Variants in FUT8 observed in about 807,000 individuals in gnomAD.
FUT8 encodes fucosyltransferase 8, also known as alpha-(1,6)-fucosyltransferase.
A neutral mutation model predicts 71.3 loss-of-function variants in FUT8; 29 were observed. That is an observed-to-expected ratio of 0.41 (90% CI 0.30 to 0.55). FUT8 has a LOEUF of 0.55. FUT8 is among the 20% of genes least tolerant of loss of function. The probability of loss-of-function intolerance (pLI) is 0.34; values close to 1 mark genes in which losing one functional copy is unlikely to be tolerated. For synonymous variants in FUT8, 254 were observed against 239.3 expected, an observed-to-expected ratio of 1.06 and a Z score of -0.57; for missense variants, 544 against 702.1, an observed-to-expected ratio of 0.77 and a Z score of 2.55.
At chr14:65,582,283 G>GT (rs1231691706) in intron 3 of FUT8, among the ~76,000 whole-genome samples, 1 of 151,912 alleles carries the variant, frequency 6.6e-6, no homozygotes, top group Non-Finnish European at 1.5e-5. Flanking sequence ...TCCTGGAAGT[G>GT]TTATACTATT....
At chr14:65,383,265 C>CTTTTTTTT in the FUT8 span, among the ~76,000 whole-genome samples, 98 of 86,492 alleles carry the variant, frequency 1.1e-3, 1 homozygote, top group African/African-American at 2.3e-3. Flanking sequence ...TTTTTCTTTT[C>CTTTTTTTT]TTTTTTTTTT....
At chr14:65,692,500 G>A (rs1893706449) in intron 7 of FUT8, among the ~76,000 whole-genome samples, 1 of 74,982 alleles carries the variant, frequency 1.3e-5, no homozygotes, top group Non-Finnish European at 3.5e-5. Context: ...TGGCCGGGCG[G>A]GGGGCTGACC....
chr14:65,392,522 C>G, the FUT8 span, among the ~76,000 whole-genome samples: 1 of 151,798 alleles, frequency 6.6e-6, no homozygotes, highest in Non-Finnish European at 1.5e-5. Flanking sequence ...TCCTGAAATA[C>G]CAGTGCAGCA....
At chr14:65,606,040 T>C (rs1367197706) in intron 3 of FUT8, among the ~76,000 whole-genome samples, 1 of 151,384 alleles carries the variant, frequency 6.6e-6, no homozygotes, top group East Asian at 1.9e-4. Flanking sequence ...CACCTGTGAC[T>C]TGTCTATTAA....
At chr14:65,525,233 A>T (rs973574630) in intron 2 of FUT8, among the ~76,000 whole-genome samples, 1 of 152,128 alleles carries the variant, frequency 6.6e-6, no homozygotes, top group African/African-American at 2.4e-5. Context: ...CATTGCCTCA[A>T]TTTCAGAGCC....
intron 2 of FUT8, among the ~76,000 whole-genome samples, chr14:65,500,649 A>G (rs1594705040): frequency 6.6e-6 from 1 of 152,036 alleles, no homozygotes; most frequent in East Asian, 1.9e-4. Flanking sequence ...TATGGATCCT[A>G]TTTCCTATCC....
intron 6 of FUT8, among the ~76,000 whole-genome samples, chr14:65,633,940 G>GT (rs1218313567): frequency 2.0e-5 from 3 of 151,542 alleles, no homozygotes; most frequent in Non-Finnish European, 4.4e-5. Context: ...CGGGAGGGAG[G>GT]TGGGGGGTCA....
intron 2 of FUT8, among the ~76,000 whole-genome samples, chr14:65,494,700 C>A (rs1008379043): frequency 6.6e-6 from 1 of 151,866 alleles, no homozygotes; most frequent in African/African-American, 2.4e-5. Flanking sequence ...ACCTATCAAC[C>A]CATCATCTAG....
At chr14:65,732,600 C>G (rs1896030663) in intron 9 of FUT8, among the ~76,000 whole-genome samples, 1 of 152,158 alleles carries the variant, frequency 6.6e-6, no homozygotes, top group African/African-American at 2.4e-5. Context: ...CAAAATATTA[C>G]TTGGTGGACA....
intron 3 of FUT8, among the ~76,000 whole-genome samples, chr14:65,586,961 G>A (rs1887420984): frequency 6.6e-6 from 1 of 152,108 alleles, no homozygotes; most frequent in Non-Finnish European, 1.5e-5. Flanking sequence ...GGCCGAGGCG[G>A]GTGGATCACG....
rs550806316 is a variant in FUT8 at position 65,659,229 on chromosome 14, G to A, written c.598-10014G>A. Among the ~76,000 whole-genome samples, 10 of 151,960 alleles carry A rather than the reference G, an allele frequency of 6.6e-5. No homozygotes were observed. In the South Asian group the frequency reaches 2.1e-3, roughly 32 times the overall value. The stretch of plus-strand genomic sequence containing the variant: ...CATTAAAAAAACAATAATAGCTGGG[G>A]ATTCCAGAGAAATTCATGCTCAGCT... On this transcript the variant is annotated intron_variant, in intron 6 of 10. Transcript: ENST00000673929.
In FUT8 at chr14:65,643,380, C is replaced by T. The variant is rs923304061; in HGVS notation, c.597+13774C>T. Reference sequence around the variant, plus strand: ...ATAAAATTGACAGATTCTGGCCCAGCGTGGTGGCTCACGCCTGTAATCCCA... The same window carrying T: ...ATAAAATTGACAGATTCTGGCCCAGTGTGGTGGCTCACGCCTGTAATCCCA... On this transcript the variant is annotated intron_variant, in intron 6 of 10. Coordinates refer to ENST00000673929, the MANE Select transcript of FUT8 (RefSeq NM_001371533.1). The surrounding 1 kb of genome is among the most constrained non-coding windows in gnomAD (Gnocchi z 4.5). Among the ~76,000 whole-genome samples, 13 of 152,134 alleles carry T rather than the reference C, an allele frequency of 8.5e-5. No homozygotes were observed. The highest frequency in any genetic ancestry group is 1.8e-4 in the Non-Finnish European group (12 of 68,030).
intron 2 of FUT8, among the ~76,000 whole-genome samples, chr14:65,478,385 T>A (rs2066279863): frequency 6.6e-6 from 1 of 152,148 alleles, no homozygotes; most frequent in African/African-American, 2.4e-5. Context: ...CTGGAGCATT[T>A]TGGATTTGTG....
chr14:65,380,191 C>T, the FUT8 span, among the ~76,000 whole-genome samples: 1 of 152,120 alleles, frequency 6.6e-6, no homozygotes, highest in Non-Finnish European at 1.5e-5. Context: ...AGGTGAAAGG[C>T]ACTTCTTACA....
intron 2 of FUT8, among the ~76,000 whole-genome samples, chr14:65,555,962 A>G (rs1885565834): frequency 6.6e-6 from 1 of 152,214 alleles, no homozygotes; most frequent in East Asian, 1.9e-4. Context: ...TATAAGAGGT[A>G]TTAGCAGAAT....
At chr14:65,414,532 G>A (rs534630360) in intron 1 of FUT8, among the ~76,000 whole-genome samples, 4 of 152,266 alleles carry the variant, frequency 2.6e-5, no homozygotes, top group African/African-American at 9.6e-5. Context: ...TGCTGTCCTT[G>A]TGAAATCTGG....
chr14:65,623,245 T>G (rs1011903808), intron 5 of FUT8, among the ~76,000 whole-genome samples: 1 of 152,182 alleles, frequency 6.6e-6, no homozygotes, highest in African/African-American at 2.4e-5. Flanking sequence ...CCTCTTTGTG[T>G]TTGGTTCCTC....
At chr14:65,645,735 C>G (rs888983522) in intron 6 of FUT8, among the ~76,000 whole-genome samples, 23 of 152,264 alleles carry the variant, frequency 1.5e-4, no homozygotes, top group Admixed American at 1.4e-3. Context: ...CAGAAGAGAA[C>G]TTCTATTTTG....
At position 65,607,026 on chromosome 14, in the gene FUT8, T is replaced by G. The variant is rs970672439; in HGVS notation, c.204-8952T>G. ...AAAAACACATTTAGTAATTTGTGGT[T>G]GTTGTTGTATAGAGACTTTAATTTC... On this transcript the variant is annotated intron_variant, in intron 3 of 10. Transcript: ENST00000673929. This position sits in a 1 kb window ranked among gnomAD's most constrained non-coding sequence, Gnocchi z 4.1. Among the ~76,000 whole-genome samples, 2 of 150,894 alleles carry G rather than the reference T, an allele frequency of 1.3e-5. No individual in the cohort carries two copies. The highest frequency in any genetic ancestry group is 6.6e-5 in the Admixed American group (1 of 15,206).
Sources: allele counts gnomAD v4.1 joint callset (sites outside exome capture counted in the v4.1 genomes callset), GRCh38; gene constraint gnomAD v4.1.1; non-coding constraint Gnocchi (gnomAD v3.1); transcripts MANE v1.5; gene names NCBI Gene and HGNC (gene_info 2026-07-23, HGNC 2026-07-21).